Variants in NAV3 observed in about 807,000 individuals in gnomAD.
The protein encoded by NAV3 is pore membrane and/or filament interacting like protein 1.
In NAV3, 87 loss-of-function variants were observed where a neutral mutation model predicts 244.7. The ratio of observed to expected loss-of-function variants is 0.36; its 90% CI spans 0.30 to 0.42. The LOEUF (loss-of-function observed/expected upper bound fraction) is 0.42, where lower values mean the gene tolerates loss of function less well. NAV3 is among the 20% of genes least tolerant of loss of function. The pLI, the probability that NAV3 is intolerant of heterozygous loss-of-function variation, is 1.00. For missense variants in NAV3, 2,663 were observed against 2,893.3 expected, an observed-to-expected ratio of 0.92 and a Z score of 1.83; for synonymous variants, 1,126 against 1,042.2, an observed-to-expected ratio of 1.08 and a Z score of -1.55.
At chr12:77,616,573 G>A (rs1871150708) in intron 2 of NAV3, among the ~76,000 whole-genome samples, 1 of 152,102 alleles carries the variant, frequency 6.6e-6, no homozygotes, top group African/African-American at 2.4e-5. Flanking sequence ...CCAGTTTACA[G>A]GTGAGGAAAT....
At chr12:77,773,622 G>T (rs987034950) in intron 2 of NAV3, among the ~76,000 whole-genome samples, 14 of 152,184 alleles carry the variant, frequency 9.2e-5, no homozygotes, top group African/African-American at 3.4e-4. Flanking sequence ...ATAATGATAG[G>T]ACCTATGAAT....
In NAV3 at chr12:77,824,241, ATTTTTTTTTTTTT is replaced by A. The variant is rs61710960; in HGVS notation, c.73-116067_73-116055del. ...GGCGCATGCCACCACGCCCAACTAA[ATTTTTTTTTTTTT>A]TTTTTTTTTTGTATTTTTAGTAGAG... On this transcript the variant is annotated intron_variant, in intron 2 of 8. Coordinates refer to the NAV3 transcript ENST00000550042. 8.2e-3 allele frequency among the ~76,000 whole-genome samples: 859 copies of A among 104,942 alleles called. 13 individuals carry two copies. The highest frequency in any genetic ancestry group is 0.034 in the Middle Eastern group (6 of 178). The allele number at this position is 104,942 out of a possible 152,430, so 68.8% of individuals were successfully genotyped here. A position where few individuals can be genotyped will look rare whatever the true frequency, so the allele number is the denominator to read the frequency against.
intron 12 of NAV3, among the ~76,000 whole-genome samples, chr12:78,115,370 A>C (rs183119311): frequency 8.5e-5 from 13 of 152,308 alleles, no homozygotes; most frequent in Admixed American, 3.3e-4. Context: ...TAAAGACTAT[A>C]TATCACAATA....
At chr12:77,976,674 C>CTTTTTTTTTTTCT (rs1868476065) in intron 5 of NAV3, among the ~76,000 whole-genome samples, 2 of 83,430 alleles carry the variant, frequency 2.4e-5, no homozygotes, top group African/African-American at 4.2e-5. Flanking sequence ...TTCTTTTTTT[C>CTTTTTTTTTTTCT]TTTTTTTTTT....
intron 2 of NAV3, among the ~76,000 whole-genome samples, chr12:77,752,928 G>A (rs1868935673): frequency 6.6e-6 from 1 of 151,986 alleles, no homozygotes; most frequent in Non-Finnish European, 1.5e-5. Flanking sequence ...GGGCATTCTG[G>A]GTTCATTACC....
intron 20 of NAV3, among the ~76,000 whole-genome samples, chr12:78,143,624 CAGAA>C (rs747848196): frequency 0.11 from 10,523 of 92,358 alleles, 395 homozygotes; most frequent in African/African-American, 0.16. Flanking sequence ...AACACTGTCT[CAGAA>C]AAAAAAAAAA....
intron 1 of NAV3, among the ~76,000 whole-genome samples, chr12:77,937,159 T>C (rs2137415742): frequency 6.6e-6 from 1 of 152,328 alleles, no homozygotes; most frequent in South Asian, 2.1e-4. Flanking sequence ...TAAATTTGCA[T>C]TAAATTTCTT....
intron 1 of NAV3, among the ~76,000 whole-genome samples, chr12:77,877,824 ATAACTT>A (rs1328325997): frequency 6.6e-6 from 1 of 152,112 alleles, no homozygotes; most frequent in East Asian, 1.9e-4. Context: ...GAGGCGAAAA[ATAACTT>A]TACAGTGGAG....
chr12:77,695,716 G>C (rs572022762), intron 2 of NAV3, among the ~76,000 whole-genome samples: 48 of 152,060 alleles, frequency 3.2e-4, no homozygotes, highest in Non-Finnish European at 5.9e-4. Context: ...TATATTGCAA[G>C]ATGTTGAAGG....
At chr12:77,814,215 C>T (rs893261054) in intron 2 of NAV3, among the ~76,000 whole-genome samples, 3 of 151,890 alleles carry the variant, frequency 2.0e-5, no homozygotes, top group African/African-American at 7.3e-5. Context: ...GTATCATTGC[C>T]CAGGAAGACT....
Position 78,210,460 on chromosome 12 carries a change from C to A in NAV3, c.7101C>A (p.Ser2367Arg), listed in dbSNP as rs752366967. 1 of 1,613,742 alleles carries A rather than the reference C, an allele frequency of 6.2e-7. No homozygotes were observed. Among genetic ancestry groups the A allele is most frequent in the Non-Finnish European group, 8.5e-7 (1 of 1,179,858 alleles). The change falls in exon 40 of 40, where the codon AGC (serine) becomes AGA (arginine). Residue 2367 changes from serine to arginine, a missense_variant. By Grantham distance (110) the Ser-to-Arg change is moderately radical. This residue lies in a region of NAV3 where 543 missense variants were observed against 672.4 expected (regional missense o/e 0.81). Coordinates refer to ENST00000397909, the MANE Select transcript of NAV3 (RefSeq NM_001024383.2). ...ANYSSTQSCD[S>R]ESTSHHEDIL... is the part of the protein sequence containing the mutation. ...ACTCGAGCACACAAAGCTGCGACAG[C>A]GAAAGCACCAGCCACCATGAAGACA...
intron 12 of NAV3, among the ~76,000 whole-genome samples, chr12:78,068,976 C>CTT (rs111243195): frequency 2.8e-5 from 4 of 141,180 alleles, no homozygotes; most frequent in African/African-American, 1.0e-4. Context: ...GGCATGAATT[C>CTT]TTTTTTTTTT....
intron 7 of NAV3, among the ~76,000 whole-genome samples, chr12:78,003,779 A>T (rs573287815): frequency 6.6e-6 from 1 of 152,378 alleles, no homozygotes; most frequent in East Asian, 1.9e-4. Flanking sequence ...AGATAACTAG[A>T]CATTAGTTCT....
intron 2 of NAV3, among the ~76,000 whole-genome samples, chr12:77,683,424 T>G (rs1292269231): frequency 6.6e-6 from 1 of 152,086 alleles, no homozygotes; most frequent in Non-Finnish European, 1.5e-5. Flanking sequence ...AGCTCTGTAG[T>G]AGATTTTGAA....
intron 12 of NAV3, among the ~76,000 whole-genome samples, chr12:78,093,951 T>C (rs1009897877): frequency 6.6e-6 from 1 of 152,076 alleles, no homozygotes; most frequent in East Asian, 1.9e-4. Context: ...ACACTTGGGC[T>C]CAAACAGTCT....
At chr12:78,087,103 A>G (rs962727033) in intron 12 of NAV3, among the ~76,000 whole-genome samples, 3 of 151,984 alleles carry the variant, frequency 2.0e-5, no homozygotes, top group African/African-American at 7.2e-5. Flanking sequence ...TGCAGAGCTG[A>G]TTAAAATCCA....
At chr12:77,608,308 C>G (rs1870760612) in intron 2 of NAV3, among the ~76,000 whole-genome samples, 1 of 152,010 alleles carries the variant, frequency 6.6e-6, no homozygotes, top group Admixed American at 6.6e-5. Flanking sequence ...CATTATTGTT[C>G]CCATATTTGT....
At chr12:77,957,986 C>T (rs17044603) in intron 3 of NAV3, among the ~76,000 whole-genome samples, 2,897 of 152,218 alleles carry the variant, frequency 0.019, 35 homozygotes, top group African/African-American at 0.032. Flanking sequence ...TTCTAATACA[C>T]ACTCTATGGT....
intron 2 of NAV3, among the ~76,000 whole-genome samples, chr12:77,577,484 A>G (rs1385050635): frequency 1.3e-5 from 2 of 152,176 alleles, no homozygotes; most frequent in Non-Finnish European, 2.9e-5. Context: ...ATAAAAGTGA[A>G]TGGGACATAT....
Sources: allele counts gnomAD v4.1 joint callset (sites outside exome capture counted in the v4.1 genomes callset), GRCh38; gene constraint gnomAD v4.1.1; regional missense constraint gnomAD v4.1.1; transcripts MANE v1.5; gene names NCBI Gene and HGNC (gene_info 2026-07-23, HGNC 2026-07-21).